Variants in MID1 observed in about 807,000 individuals in gnomAD.
MID1 encodes E3 ubiquitin-protein ligase Midline-1.
A neutral mutation model predicts 40.4 loss-of-function variants in MID1; 7 were observed. The ratio of observed to expected loss-of-function variants is 0.17; its 90% CI spans 0.10 to 0.33. The LOEUF (loss-of-function observed/expected upper bound fraction) is 0.33, where lower values mean the gene tolerates loss of function less well. MID1 is among the 10% of genes least tolerant of loss of function. The pLI is 1.00. For missense variants in MID1, 367 were observed against 558.5 expected, an observed-to-expected ratio of 0.66 and a Z score of 3.46; for synonymous variants, 229 against 221.2, an observed-to-expected ratio of 1.04 and a Z score of -0.31.
At chrX:10,523,959 A>T (rs1932781270) in intron 2 of MID1, among the ~76,000 whole-genome samples, 1 of 112,007 alleles carries the variant, frequency 8.9e-6, no homozygotes, top group Admixed American at 9.4e-5. Flanking sequence ...GTTATATGCA[A>T]ATAACAGGCC....
chrX:10,501,103 G>T (rs747726402), intron 3 of MID1, among the ~76,000 whole-genome samples: 2 of 111,938 alleles, frequency 1.8e-5, no homozygotes, highest in East Asian at 2.8e-4. Context: ...GAGGTCAGGA[G>T]ATTGAAACCA....
chrX:10,749,024 G>C (rs1278739242), intron 1 of MID1, among the ~76,000 whole-genome samples: 1 of 111,318 alleles, frequency 9.0e-6, no homozygotes, highest in Non-Finnish European at 1.9e-5. Context: ...GGTCATCCTT[G>C]TGCATAGCTG....
chrX:10,613,730 T>TAGAG (rs1226677763), intron 1 of MID1, among the ~76,000 whole-genome samples: 58 of 30,660 alleles, frequency 1.9e-3, no homozygotes, highest in Middle Eastern at 0.026. Flanking sequence ...TATATATATA[T>TAGAG]ATAGAGAGAG....
At chrX:10,601,640 C>G (rs1451190087) in intron 1 of MID1, among the ~76,000 whole-genome samples, 1 of 111,550 alleles carries the variant, frequency 9.0e-6, no homozygotes, top group Non-Finnish European at 1.9e-5. Context: ...ACTTTCTCCC[C>G]TAATAGTGTG....
chrX:10,604,865 A>C (rs968403016), intron 1 of MID1, among the ~76,000 whole-genome samples: 3 of 112,694 alleles, frequency 2.7e-5, no homozygotes, highest in African/African-American at 6.4e-5. Context: ...ATTGAGGAAA[A>C]TTCAAACCTT....
At chrX:10,506,322 A>C (rs767085440) in intron 3 of MID1, 27 of 1,073,732 alleles carry the variant, frequency 2.5e-5, no homozygotes, top group Non-Finnish European at 3.2e-5. Context: ...AGGATATGAG[A>C]CAAGAATGGA....
intron 1 of MID1, among the ~76,000 whole-genome samples, chrX:10,669,416 C>T (rs769871131): frequency 9.0e-6 from 1 of 110,976 alleles, no homozygotes; most frequent in African/African-American, 3.3e-5. Context: ...ATTTTAAATG[C>T]TATTTTCCCA....
At chrX:10,796,305 A>T (rs1420644188) in intron 1 of MID1, among the ~76,000 whole-genome samples, 1 of 111,708 alleles carries the variant, frequency 9.0e-6, no homozygotes, top group African/African-American at 3.3e-5. Flanking sequence ...GTTTGCTTTC[A>T]AAATTTTCTT....
intron 1 of MID1, among the ~76,000 whole-genome samples, chrX:10,741,285 G>C (rs746036516): frequency 1.8e-5 from 2 of 111,252 alleles, no homozygotes; most frequent in African/African-American, 6.5e-5. Context: ...AACACTAAGA[G>C]GGTCAGAGCA....
chrX:10,696,146 G>T (rs1372584789), intron 1 of MID1, among the ~76,000 whole-genome samples: 1 of 111,552 alleles, frequency 9.0e-6, no homozygotes, highest in Non-Finnish European at 1.9e-5. Context: ...GGAGTTGGGC[G>T]AGTGGGCTCA....
chrX:10,642,744 C>T (rs930525273), intron 1 of MID1, among the ~76,000 whole-genome samples: 12 of 110,302 alleles, frequency 1.1e-4, no homozygotes, highest in East Asian at 5.6e-4. Context: ...GGAGGCATCA[C>T]GCTACCTGAC....
intron 1 of MID1, among the ~76,000 whole-genome samples, chrX:10,610,319 A>G (rs911181616): frequency 6.2e-5 from 7 of 112,213 alleles, no homozygotes; most frequent in African/African-American, 2.3e-4. Context: ...TTTAATACAG[A>G]TACATCCGCC....
At chrX:10,461,652 CTTAATA>C (rs1302687259) in intron 7 of MID1, among the ~76,000 whole-genome samples, 2 of 111,633 alleles carry the variant, frequency 1.8e-5, no homozygotes, top group Non-Finnish European at 3.8e-5. Flanking sequence ...TCTTTAGGTA[CTTAATA>C]TTATTACAGT....
At chrX:10,516,615 C>T (rs766136941) in intron 3 of MID1, among the ~76,000 whole-genome samples, 167 of 90,540 alleles carry the variant, frequency 1.8e-3, no homozygotes, top group African/African-American at 8.1e-3. Flanking sequence ...TGTGTGCGCG[C>T]GCGCACGCGT....
At chrX:10,771,183 C>T (rs1323432844) in intron 1 of MID1, among the ~76,000 whole-genome samples, 1 of 110,471 alleles carries the variant, frequency 9.1e-6, no homozygotes, top group East Asian at 2.8e-4. Context: ...GGCAAGGAAG[C>T]CAATTGGACA....
At chrX:10,744,821 T>G (rs2043547941) in intron 1 of MID1, among the ~76,000 whole-genome samples, 1 of 111,679 alleles carries the variant, frequency 9.0e-6, no homozygotes, top group Admixed American at 9.5e-5. Flanking sequence ...CCAGTGAGAA[T>G]CCAAACACTC....
intron 1 of MID1, among the ~76,000 whole-genome samples, chrX:10,606,768 C>T (rs1359505346): frequency 7.2e-5 from 8 of 111,409 alleles, no homozygotes; most frequent in African/African-American, 2.6e-4. Context: ...TTTTTTGAGA[C>T]AAGGTCCCAG....
At chrX:10,621,414 G>C (rs1270485936), upstream of MID1, among the ~76,000 whole-genome samples, 1 of 111,563 alleles carries the variant, frequency 9.0e-6, no homozygotes, top group Non-Finnish European at 1.9e-5. Flanking sequence ...CTCCATATAA[G>C]CAATAACTTT....
At chrX:10,605,103 A>G (rs1344532189) in intron 1 of MID1, among the ~76,000 whole-genome samples, 1 of 112,429 alleles carries the variant, frequency 8.9e-6, no homozygotes, top group Non-Finnish European at 1.9e-5. Context: ...TATTCCTTGC[A>G]CATATTGGAA....
Sources: allele counts gnomAD v4.1 joint callset (sites outside exome capture counted in the v4.1 genomes callset), GRCh38; gene constraint gnomAD v4.1.1; transcripts MANE v1.5; gene names NCBI Gene and HGNC (gene_info 2026-07-23, HGNC 2026-07-21).